Variants in RFTN1 observed in about 807,000 individuals in gnomAD.
The protein encoded by RFTN1 is raftlin, lipid raft linker 1, also known as raftlin.
Under a neutral mutation model 46.5 loss-of-function variants are expected in RFTN1, and 26 were observed. The ratio of observed to expected loss-of-function variants is 0.56; its 90% CI spans 0.41 to 0.78. RFTN1 has a LOEUF of 0.78. RFTN1 is among the 30% of genes least tolerant of loss of function. The pLI is 0.00. For synonymous variants in RFTN1, 261 were observed against 284.2 expected (o/e 0.92, Z 0.82); for missense variants, 693 against 718.7 (o/e 0.96, Z 0.41).
At position 16,385,565 on chromosome 3, in the gene RFTN1, G is replaced by A. The variant is rs9880431; in HGVS notation, c.442-7463C>T. Among the ~76,000 whole-genome samples the A allele has an allele frequency of 2.3e-3, 355 of 152,288 alleles. 3 individuals are homozygous for A. The highest frequency in any genetic ancestry group is 8.2e-3 in the African/African-American group (339 of 41,552). On this transcript the variant is annotated intron_variant, in intron 4 of 9. Coordinates refer to ENST00000334133, the MANE Select transcript of RFTN1 (RefSeq NM_015150.2). This position sits in a 1 kb window ranked among gnomAD's most constrained non-coding sequence, Gnocchi z 5.0. ...AATCAGTTGATTTATTTTAGCCTCA[G>A]TTTCTTAATCTATAAAATGAAGATA... is the stretch of plus-strand genomic sequence containing the variant.
At chr3:16,435,444 C>T (rs1219099941) in intron 2 of RFTN1, among the ~76,000 whole-genome samples, 2 of 152,128 alleles carry the variant, frequency 1.3e-5, no homozygotes, top group Non-Finnish European at 1.5e-5. Flanking sequence ...GTGGTGCATG[C>T]CTGTAATCCC....
intron 6 of RFTN1, among the ~76,000 whole-genome samples, chr3:16,359,406 T>C (rs2072685601): frequency 1.3e-5 from 2 of 152,092 alleles, no homozygotes; most frequent in South Asian, 4.2e-4. Flanking sequence ...GACAGAGCCT[T>C]TAGGAAGGTA....
intron 6 of RFTN1, among the ~76,000 whole-genome samples, chr3:16,365,268 G>A (rs1386494725): frequency 1.3e-5 from 2 of 152,108 alleles, no homozygotes; most frequent in Admixed American, 6.5e-5. Flanking sequence ...GATTCCTGGG[G>A]AAACACTCCA....
At chr3:16,357,121 A>AC (rs1212528019) in intron 7 of RFTN1, among the ~76,000 whole-genome samples, 2 of 90,788 alleles carry the variant, frequency 2.2e-5, no homozygotes, top group Non-Finnish European at 4.3e-5. Context: ...TCTCAAAAAA[A>AC]AAAAAAACAA....
rs546934395 is a variant in RFTN1, at chr3:16,508,834, A to G, written c.-9+4608T>C. ...GTTACCAATTCTTAAACTGAAGGGT[A>G]AAAAAAAAACACCACAGAGCAGCAC... On this transcript the variant is annotated intron_variant, in intron 1 of 9. Coordinates refer to ENST00000334133, the MANE Select transcript of RFTN1 (RefSeq NM_015150.2). Among the ~76,000 whole-genome samples, 13 of 38,644 alleles carry G rather than the reference A, an allele frequency of 3.4e-4. No homozygotes were observed. The East Asian group carries it at 0.013, about 40-fold the overall frequency. 25.4% of individuals were successfully genotyped at this position (38,644 alleles called of 152,430 possible).
chr3:16,470,553 G>T (rs748374268), intron 2 of RFTN1, among the ~76,000 whole-genome samples: 3 of 152,154 alleles, frequency 2.0e-5, no homozygotes, highest in Non-Finnish European at 4.4e-5. Context: ...CCAGAGAAAA[G>T]AGCCCCAGAT....
rs1451799956 is a variant in RFTN1 at position 16,370,378 on chromosome 3, A to G, written c.827-99T>C. On this transcript the variant is annotated intron_variant, in intron 5 of 9. Transcript: ENST00000334133. The surrounding 1 kb of genome is among the most constrained non-coding windows in gnomAD (Gnocchi z 5.5). Reference sequence around the variant, plus strand: ...TGGAATCTCTCAGGAGCCTGAATAAATGATATGATGAATGCTGAAATCTCT... The same window carrying G: ...TGGAATCTCTCAGGAGCCTGAATAAGTGATATGATGAATGCTGAAATCTCT... 7 of 1,050,144 alleles carry G rather than the reference A, an allele frequency of 6.7e-6. No homozygotes were observed. The highest frequency in any genetic ancestry group is 2.4e-4 in the Middle Eastern group (1 of 4,140). 65.1% of individuals were successfully genotyped at this position (1,050,144 alleles called of 1,614,324 possible).
Position 16,493,815 on chromosome 3 carries a change from T to C in RFTN1, c.55A>G (p.Ile19Val). ...EKRDEKRPGN[I>V]YSTLKRPQVE... ...TGAGGCCTCTTCAAAGTTGAATAAA[T>C]ATTCCCAGGCCGTTTTTCATCACGT... Residue 19 changes from isoleucine (I) to valine (V), a missense_variant, in exon 2 of 10, where the codon ATT (isoleucine) becomes GTT (valine). Ile to Val is a conservative substitution (Grantham distance 29). Transcript: ENST00000334133. 6.2e-7 allele frequency: 1 copy of C among 1,614,086 alleles called. No homozygotes were observed. The highest frequency in any genetic ancestry group is 8.5e-7 in the Non-Finnish European group (1 of 1,180,026).
intron 4 of RFTN1, among the ~76,000 whole-genome samples, chr3:16,379,525 T>C (rs2073909978): frequency 6.6e-6 from 1 of 152,204 alleles, no homozygotes; most frequent in Non-Finnish European, 1.5e-5. Context: ...ATTAAAGTCA[T>C]AAAACAAGCA....
At chr3:16,403,728 T>TTTATGTATATAATATATAATATATATA (rs2074683751) in intron 4 of RFTN1, among the ~76,000 whole-genome samples, 1 of 10,652 alleles carries the variant, frequency 9.4e-5, no homozygotes, top group African/African-American at 5.2e-4. Flanking sequence ...ATATATATAT[T>TTTATGTATATAATATATAATATATATA]ATATATATTA....
intron 2 of RFTN1, among the ~76,000 whole-genome samples, chr3:16,492,013 G>A (rs1290402521): frequency 6.6e-6 from 1 of 152,150 alleles, no homozygotes; most frequent in African/African-American, 2.4e-5. Flanking sequence ...TGTTACATTA[G>A]CTATATTAGA....
At chr3:16,394,558 G>A (rs377419253) in intron 4 of RFTN1, among the ~76,000 whole-genome samples, 2 of 152,176 alleles carry the variant, frequency 1.3e-5, no homozygotes, top group Non-Finnish European at 2.9e-5. Context: ...TGGAAGGGGA[G>A]TGGGGAATTG....
chr3:16,409,589 C>T, intron 3 of RFTN1, 106 bp from the exon 4 acceptor site: 1 of 690,634 alleles, frequency 1.4e-6, no homozygotes, highest in South Asian at 1.6e-5. Flanking sequence ...GCGATCTCGG[C>T]TCACTGCAAC....
chr3:16,493,031 C>T (rs896946436), intron 2 of RFTN1, among the ~76,000 whole-genome samples: 5 of 152,216 alleles, frequency 3.3e-5, no homozygotes, highest in African/African-American at 1.2e-4. Context: ...ATGAATGAGC[C>T]CTCTTGCGAG....
At chr3:16,414,668 G>T (rs984048317) in intron 3 of RFTN1, among the ~76,000 whole-genome samples, 10 of 152,080 alleles carry the variant, frequency 6.6e-5, no homozygotes, top group Non-Finnish European at 1.3e-4. Flanking sequence ...TGAATGGCAG[G>T]GGCAGCAGGG....
intron 4 of RFTN1, among the ~76,000 whole-genome samples, chr3:16,396,325 G>A (rs2074468774): frequency 6.6e-6 from 1 of 152,032 alleles, no homozygotes; most frequent in Non-Finnish European, 1.5e-5. Context: ...ATTTTTCTCT[G>A]TCACCCAGGC....
chr3:16,344,330 GT>G lies in RFTN1; in HGVS notation c.1146+13601del, dbSNP rs11425499. On this transcript the variant is annotated intron_variant, in intron 7 of 9. Transcript: ENST00000334133. The surrounding 1 kb of genome is among the most constrained non-coding windows in gnomAD (Gnocchi z 4.4). ...GTGGATTAGATCAGTAATTTTCAAG[GT>G]TTTTTTTTTTTAATTAGTAGGATGC... 2.8e-3 allele frequency among the ~76,000 whole-genome samples: 411 copies of G among 147,326 alleles called. 4 individuals carry two copies. The highest frequency in any genetic ancestry group is 0.017 in the Admixed American group (259 of 14,838).
At chr3:16,469,992 T>C (rs569913842) in intron 2 of RFTN1, among the ~76,000 whole-genome samples, 3 of 152,236 alleles carry the variant, frequency 2.0e-5, no homozygotes, top group African/African-American at 7.2e-5. Flanking sequence ...CTCAAGGTCA[T>C]GGGGTTAGCA....
rs563042027 is a variant in RFTN1 at position 16,345,828 on chromosome 3, G to A, written c.1146+12104C>T. 2.6e-5 allele frequency among the ~76,000 whole-genome samples: 2 copies of A among 75,752 alleles called. No individual in the cohort carries two copies. The highest frequency in any genetic ancestry group is 6.4e-4 in the South Asian group (1 of 1,552). The allele number at this position is 75,752 out of a possible 152,430, so 49.7% of individuals were successfully genotyped here. A position where few individuals can be genotyped will look rare whatever the true frequency, so the allele number is the denominator to read the frequency against. The stretch of plus-strand genomic sequence containing the variant: ...TGTGTGTGTGTGTGTGCGCGCGCGC[G>A]TGCGCGCACGCGCACATGTGCATGT... On this transcript the variant is annotated intron_variant, in intron 7 of 9. Coordinates refer to ENST00000334133, the MANE Select transcript of RFTN1 (RefSeq NM_015150.2). This position sits in a 1 kb window ranked among gnomAD's most constrained non-coding sequence, Gnocchi z 5.2.
Sources: gnomAD v4.1 joint callset for allele counts (sites outside exome capture counted in the v4.1 genomes callset) on GRCh38, gnomAD v4.1.1 for gene constraint, Gnocchi (gnomAD v3.1) non-coding constraint, MANE v1.5 for transcripts, NCBI Gene and HGNC (gene_info 2026-07-23, HGNC 2026-07-21) for gene names.